Variants in PLEKHD1 observed in about 807,000 individuals in gnomAD.
The protein encoded by PLEKHD1 is pleckstrin homology and coiled-coil domain containing D1, also known as pleckstrin homology domain-containing family D member 1.
In PLEKHD1, 51 loss-of-function variants were observed where a neutral mutation model predicts 69.2. The observed-to-expected ratio is 0.74, with a 90% CI of 0.59 to 0.93. The LOEUF (loss-of-function observed/expected upper bound fraction) is 0.93. Ranked by LOEUF, PLEKHD1 falls within the 40% of genes least tolerant of loss-of-function variation. The pLI, the probability that PLEKHD1 is intolerant of heterozygous loss-of-function variation, is 0.00. For missense variants in PLEKHD1, 584 were observed against 641.0 expected (o/e 0.91, Z 0.96); for synonymous variants, 236 against 244.7 (o/e 0.96, Z 0.33).
chr14:69,527,803 C>T lies in PLEKHD1; in HGVS notation c.1222C>T (p.Arg408Trp), dbSNP rs770622935. 1.1e-5 allele frequency: 17 copies of T among 1,551,336 alleles called. No individual in the cohort carries two copies. The highest frequency in any genetic ancestry group is 7.3e-5 in the East Asian group (3 of 40,930). ...CACAGGGTTCTTTGAGGAGTGCATC[C>T]GGAATGCCGAGCTGGAGGCCAAGAT... ...HLKRFFEECI[R>W]NAELEAKMPV... Residue 408 changes from arginine to tryptophan, a missense_variant, in exon 12 of 13, where the codon CGG (arginine) becomes TGG (tryptophan). Transcript: ENST00000322564.
In PLEKHD1 at chr14:69,531,332, A is replaced by C. The variant is rs1215009498; in HGVS notation, c.*2913A>C. The C allele has an allele frequency of 6.6e-6, 1 of 152,262 alleles. No homozygotes were observed. The highest frequency in any genetic ancestry group is 2.4e-5 in the African/African-American group (1 of 41,454). The allele number at this position is 152,262 out of a possible 1,614,324, so 9.4% of individuals were successfully genotyped here. A position where few individuals can be genotyped will look rare whatever the true frequency, so the allele number is the denominator to read the frequency against. Reference sequence around the variant, plus strand: ...CCCTGTATTTTCCATGCCTCAGGCAAGTCTGAATTATCTTCAGCCAACTGA... The same window carrying C: ...CCCTGTATTTTCCATGCCTCAGGCACGTCTGAATTATCTTCAGCCAACTGA... On this transcript the variant is annotated 3_prime_UTR_variant, in exon 13 of 13. Transcript: ENST00000322564.
At position 69,529,336 on chromosome 14, in the gene PLEKHD1, T is replaced by C. The variant is rs568265698; in HGVS notation, c.*917T>C. 4 of 151,900 alleles carry C rather than the reference T, an allele frequency of 2.6e-5. No homozygotes were observed. Among genetic ancestry groups the C allele is most frequent in the African/African-American group, 9.7e-5 (4 of 41,344 alleles). The allele number at this position is 151,900 out of a possible 1,614,324, so 9.4% of individuals were successfully genotyped here. A position where few individuals can be genotyped will look rare whatever the true frequency, so the allele number is the denominator to read the frequency against. On this transcript the variant is annotated 3_prime_UTR_variant, in exon 13 of 13. Transcript: ENST00000322564. ...CGGGAGGATTACTTGAAGTCAGGAG[T>C]TTGAGACCAGCCTGGCCAATACGGC...
intron 2 of PLEKHD1, 37 bp downstream of exon 2, chr14:69,500,245 G>T (rs1187271813): frequency 1.4e-6 from 2 of 1,450,062 alleles, no homozygotes; most frequent in Non-Finnish European, 1.9e-6. Context: ...GCAGGGGAGG[G>T]CCCAGTGCGG....
At chr14:69,495,530 T>C (rs145707371) in intron 1 of PLEKHD1, among the ~76,000 whole-genome samples, 1 of 152,356 alleles carries the variant, frequency 6.6e-6, no homozygotes, top group East Asian at 1.9e-4. Flanking sequence ...ATAGCATCAT[T>C]GTGAGTGGTG....
chr14:69,493,404 C>T lies in PLEKHD1; in HGVS notation c.150-6711C>T, dbSNP rs1420346298. On this transcript the variant is annotated intron_variant, in intron 1 of 12. Transcript: ENST00000322564. ...CTTACTAGTCGCTTAATCTCTATGC[C>T]TCAGTTTCCTCTCTAGTGAAATAGT... is the stretch of plus-strand genomic sequence containing the variant. 2.6e-5 allele frequency among the ~76,000 whole-genome samples: 4 copies of T among 152,322 alleles called. No homozygotes were observed. In the East Asian group the frequency reaches 5.8e-4, roughly 22 times the overall value.
At chr14:69,516,908 C>T (rs561148791) in intron 6 of PLEKHD1, among the ~76,000 whole-genome samples, 3 of 152,260 alleles carry the variant, frequency 2.0e-5, no homozygotes, top group African/African-American at 7.2e-5. Flanking sequence ...TGAGCTCAGG[C>T]GATCCGCCTG....
At chr14:69,528,165 AG>A in intron 12 of PLEKHD1, 84 bp from the exon 13 acceptor site, 2 of 1,488,564 alleles carry the variant, frequency 1.3e-6, no homozygotes, top group Non-Finnish European at 1.8e-6. Context: ...TAAAGGAGTG[AG>A]GGGGTGGCAT....
At chr14:69,490,065 G>A (rs58549030) in intron 1 of PLEKHD1, among the ~76,000 whole-genome samples, 3 of 152,014 alleles carry the variant, frequency 2.0e-5, no homozygotes, top group East Asian at 1.9e-4. Flanking sequence ...ATGGGGTTTC[G>A]CCATGTTGGC....
chr14:69,489,762 T>A (rs2139493501), intron 1 of PLEKHD1, among the ~76,000 whole-genome samples: 1 of 152,066 alleles, frequency 6.6e-6, no homozygotes, highest in East Asian at 1.9e-4. Flanking sequence ...ACCCCAGAGG[T>A]GCCTTGAGTC....
chr14:69,501,085 A>G (rs1287473097), intron 4 of PLEKHD1, 138 bp downstream of exon 4: 18 of 878,392 alleles, frequency 2.0e-5, no homozygotes, highest in Non-Finnish European at 3.0e-5. Flanking sequence ...GGTAGGGGAG[A>G]GCAGACAGGC....
chr14:69,501,779 G>A lies in PLEKHD1; in HGVS notation c.456G>A (p.Leu152=), dbSNP rs1883031337. ...AQLGEAMIKS[L]EAQGLQLAKE... ...TGGGAGAAGCCATGATCAAAAGCCT[G>A]GAGGCCCAGGGGCTGCAGTTGGCTA... Residue 152 remains leucine, a synonymous_variant, in exon 5 of 13, where the codon CTG becomes CTA. Transcript: ENST00000322564. 4 of 1,551,588 alleles carry A rather than the reference G, an allele frequency of 2.6e-6. No homozygotes were observed. In the South Asian group the frequency reaches 4.8e-5, roughly 18 times the overall value.
At chr14:69,490,539 G>A (rs1363506677) in intron 1 of PLEKHD1, among the ~76,000 whole-genome samples, 3 of 152,164 alleles carry the variant, frequency 2.0e-5, no homozygotes, top group Admixed American at 6.5e-5. Flanking sequence ...TACACATTAC[G>A]GTTGTCTTAC....
At chr14:69,515,851 A>T (rs1883373752) in intron 6 of PLEKHD1, among the ~76,000 whole-genome samples, 1 of 152,206 alleles carries the variant, frequency 6.6e-6, no homozygotes, top group Non-Finnish European at 1.5e-5. Context: ...CACCTCCAAG[A>T]TTAGGGATTA....
At chr14:69,490,139 T>C (rs1594973395) in intron 1 of PLEKHD1, among the ~76,000 whole-genome samples, 1 of 152,136 alleles carries the variant, frequency 6.6e-6, no homozygotes, top group Non-Finnish European at 1.5e-5. Flanking sequence ...AAGTGCTGGG[T>C]TTACAGGCAT....
chr14:69,502,382 T>G (rs1385338806), intron 5 of PLEKHD1: 2 of 224,500 alleles, frequency 8.9e-6, no homozygotes, highest in African/African-American at 4.5e-5. Context: ...GGAGAGAAGA[T>G]GAGACTGAGG....
intron 6 of PLEKHD1, among the ~76,000 whole-genome samples, chr14:69,514,008 G>T (rs1883327790): frequency 6.6e-6 from 1 of 151,944 alleles, no homozygotes; most frequent in African/African-American, 2.4e-5. Context: ...GGCTTCTTAA[G>T]ATATTTTTCC....
At chr14:69,480,852 C>T (rs542988588), upstream of PLEKHD1, among the ~76,000 whole-genome samples, 1 of 152,276 alleles carries the variant, frequency 6.6e-6, no homozygotes, top group African/African-American at 2.4e-5. Context: ...GGAGTTTCGC[C>T]ATGTTGGCCA....
At chr14:69,502,000 A>G (rs1482342589) in intron 5 of PLEKHD1, 175 bp downstream of exon 5, 2 of 543,920 alleles carry the variant, frequency 3.7e-6, no homozygotes, top group Non-Finnish European at 6.6e-6. Flanking sequence ...CCTTTTGGCC[A>G]ACATGACTGA....
At chr14:69,493,832 C>T (rs1358155473) in intron 1 of PLEKHD1, among the ~76,000 whole-genome samples, 5 of 152,240 alleles carry the variant, frequency 3.3e-5, no homozygotes, top group Middle Eastern at 3.2e-3. Context: ...CCCAATGCTC[C>T]GGGCTTCACC....
Sources: allele counts gnomAD v4.1 joint callset (sites outside exome capture counted in the v4.1 genomes callset), GRCh38; gene constraint gnomAD v4.1.1; transcripts MANE v1.5; gene names NCBI Gene and HGNC (gene_info 2026-07-23, HGNC 2026-07-21).